Variants in PCDHGA2 observed in about 807,000 individuals in gnomAD.
The protein encoded by PCDHGA2 is protocadherin gamma-A2.
In PCDHGA2, 40 loss-of-function variants were observed where a neutral mutation model predicts 59.2. That is an observed-to-expected ratio of 0.68 (90% confidence interval 0.52 to 0.88). The LOEUF is 0.88. Ranked by LOEUF, PCDHGA2 falls within the 40% of genes least tolerant of loss-of-function variation. PCDHGA2 has a pLI of 0.00. For synonymous variants in PCDHGA2, 560 were observed against 526.0 expected (o/e 1.06, Z -0.89); for missense variants, 1,226 against 1,204.0 (o/e 1.02, Z -0.27).
intron 1 of PCDHGA2, chr5:141,362,471 ATCTCG>A: frequency 6.2e-7 from 1 of 1,614,018 alleles, no homozygotes; most frequent in Non-Finnish European, 8.5e-7. Context: ...CCCGCGCAAG[ATCTCG>A]TCTGTGACAA....
At chr5:141,363,584 T>C (rs1175154896) in intron 1 of PCDHGA2, among the ~76,000 whole-genome samples, 1 of 152,246 alleles carries the variant, frequency 6.6e-6, no homozygotes, top group Non-Finnish European at 1.5e-5. Context: ...AATGCATAGT[T>C]AACCCAACTC....
At chr5:141,453,377 T>TC (rs1242854086) in intron 1 of PCDHGA2, among the ~76,000 whole-genome samples, 3 of 152,072 alleles carry the variant, frequency 2.0e-5, no homozygotes, top group Admixed American at 2.0e-4. Context: ...CAAGTGATCC[T>TC]CCTGCCTTAG....
chr5:141,394,915 CCT>C, intron 1 of PCDHGA2: 1 of 1,613,774 alleles, frequency 6.2e-7, no homozygotes, highest in South Asian at 1.1e-5. Flanking sequence ...GCTGCCATCT[CCT>C]GTGTCTTCCT....
chr5:141,449,073 T>C (rs889880816), intron 1 of PCDHGA2, among the ~76,000 whole-genome samples: 1 of 152,246 alleles, frequency 6.6e-6, no homozygotes, highest in African/African-American at 2.4e-5. Flanking sequence ...TGAATAGCCC[T>C]GTACCTACAT....
rs34752215 is a variant in PCDHGA2 at position 141,427,657 on chromosome 5, A to C, written c.2425-67150A>C. The C allele has an allele frequency of 1.4e-3, 1,030 of 734,210 alleles. 5 individuals carry two copies. Among genetic ancestry groups the C allele is most frequent in the Middle Eastern group, 5.7e-3 (25 of 4,398 alleles). The allele number at this position is 734,210 out of a possible 1,614,324, so 45.5% of individuals were successfully genotyped here. On this transcript the variant is annotated intron_variant, in intron 1 of 3. Coordinates refer to ENST00000394576, the MANE Select transcript of PCDHGA2 (RefSeq NM_018915.4). The stretch of plus-strand genomic sequence containing the variant: ...TTCCACCAAGTCTCCTACGTGGTCC[A>C]CGTGGCCGAAAACAACCTTCCCGGA...
At chr5:141,390,882 G>A (rs892294372) in intron 1 of PCDHGA2, 2 of 152,824 alleles carry the variant, frequency 1.3e-5, no homozygotes, top group Non-Finnish European at 2.9e-5. Flanking sequence ...GTGTGTGTGT[G>A]TGTGTGAGAG....
At chr5:141,418,449 A>C in intron 1 of PCDHGA2, 1 of 1,614,040 alleles carries the variant, frequency 6.2e-7, no homozygotes, top group Non-Finnish European at 8.5e-7. Context: ...TTAGTATTGC[A>C]GAAGACTCTG....
At position 141,511,436 on chromosome 5, in the gene PCDHGA2, T is replaced by C. The variant is rs1371734719; in HGVS notation, c.*263T>C. The C allele has an allele frequency of 1.5e-5, 11 of 718,486 alleles. No individual in the cohort carries two copies. The highest frequency in any genetic ancestry group is 2.2e-5 in the Non-Finnish European group (10 of 461,474). The allele number at this position is 718,486 out of a possible 1,614,324, so 44.5% of individuals were successfully genotyped here. The stretch of plus-strand genomic sequence containing the variant: ...ACCCATGGGGGTAGTGGGGTTACTG[T>C]AGACACCAAGAACCATTTGCCACAC... On this transcript the variant is annotated 3_prime_UTR_variant, in exon 4 of 4. Coordinates refer to ENST00000394576, the MANE Select transcript of PCDHGA2 (RefSeq NM_018915.4).
chr5:141,376,525 T>C (rs1772783963), intron 1 of PCDHGA2: 1 of 1,613,730 alleles, frequency 6.2e-7, no homozygotes, highest in Non-Finnish European at 8.5e-7. Context: ...TCTTTCCGCC[T>C]AAGCGGGAAG....
Position 141,372,286 on chromosome 5 carries a change from C to T in PCDHGA2, c.2424+30891C>T, listed in dbSNP as rs62620706. 47 of 1,613,150 alleles carry T rather than the reference C, an allele frequency of 2.9e-5. No homozygotes were observed. The African/African-American group carries it at 5.9e-4, about 20-fold the overall frequency. ...ACGGGTGAGGTGCGCACGGCGCGTA[C>T]CTTGGGCGACAGGGAGGCCGCCCGC... On this transcript the variant is annotated intron_variant, in intron 1 of 3. Coordinates refer to ENST00000394576, the MANE Select transcript of PCDHGA2 (RefSeq NM_018915.4).
At chr5:141,413,980 A>C in intron 1 of PCDHGA2, 12 of 1,613,530 alleles carry the variant, frequency 7.4e-6, no homozygotes, top group Non-Finnish European at 1.0e-5. Flanking sequence ...GCTGACAGTC[A>C]CAGCCACCGA....
At chr5:141,468,755 A>G (rs918829539) in intron 1 of PCDHGA2, among the ~76,000 whole-genome samples, 3 of 151,976 alleles carry the variant, frequency 2.0e-5, no homozygotes, top group African/African-American at 7.2e-5. Flanking sequence ...AGTCCCAGCT[A>G]CTCGGGAGGC....
At position 141,431,738 on chromosome 5, in the gene PCDHGA2, TA is replaced by T; in HGVS notation, c.2425-63068del. ...AGTGCAAGCAATGGATAATGCAGGA[TA>T]TTCTGCGCGAGCCAAAGTCCTGATC... On this transcript the variant is annotated intron_variant, in intron 1 of 3. Coordinates refer to ENST00000394576, the MANE Select transcript of PCDHGA2 (RefSeq NM_018915.4). The surrounding 1 kb of genome is among the most constrained non-coding windows in gnomAD (Gnocchi z 4.8). The T allele has an allele frequency of 6.2e-7, 1 of 1,614,234 alleles. No individual in the cohort carries two copies. Among genetic ancestry groups the T allele is most frequent in the South Asian group, 1.1e-5 (1 of 91,092 alleles).
At chr5:141,422,959 C>A in intron 1 of PCDHGA2, 1 of 1,614,234 alleles carries the variant, frequency 6.2e-7, no homozygotes, top group South Asian at 1.1e-5. Context: ...TGGCGTGGAG[C>A]TGGCGCCCCG....
chr5:141,371,997 C>T (rs772765707), intron 1 of PCDHGA2: 3 of 1,613,232 alleles, frequency 1.9e-6, no homozygotes, highest in East Asian at 2.2e-5. Context: ...TCTGCAGGCC[C>T]GCGACCAGGG....
Position 141,340,414 on chromosome 5 carries a change from CA to C in PCDHGA2, c.1445del (p.Asn482ThrfsTer6). On this transcript the variant is annotated frameshift_variant, in exon 1 of 4. Transcript: ENST00000394576. LOFTEE classifies it high-confidence loss of function. ...FSVTAHDPDS[N>X]DNAHVTYSFA... ...CAGTGACGGCCCATGACCCCGACAG[CA>C]ACGACAATGCTCATGTAACTTACTC... The C allele has an allele frequency of 6.2e-7, 1 of 1,614,204 alleles. No individual in the cohort carries two copies. The highest frequency in any genetic ancestry group is 8.5e-7 in the Non-Finnish European group (1 of 1,180,048).
At chr5:141,357,422 T>C (rs1277142896) in intron 1 of PCDHGA2, 2 of 1,614,254 alleles carry the variant, frequency 1.2e-6, no homozygotes, top group East Asian at 2.2e-5. Context: ...TCGCACTTTG[T>C]GGGCGTGGAC....
intron 1 of PCDHGA2, chr5:141,391,032 T>C (rs908748282): frequency 2.0e-5 from 3 of 152,212 alleles, no homozygotes; most frequent in African/African-American, 7.2e-5. Context: ...AAGACAATGT[T>C]TTGTGTCTGT....
rs144018757 is a variant in PCDHGA2, at chr5:141,443,001, A to G, written c.2425-51806A>G. On this transcript the variant is annotated intron_variant, in intron 1 of 3. Transcript: ENST00000394576. ...GTTAGCCTATAATTTCAGTAAATCTAAGAATATGACTAATGGAAGTTGCCA... is the reference window on the plus strand; with the variant it reads ...GTTAGCCTATAATTTCAGTAAATCTGAGAATATGACTAATGGAAGTTGCCA... Among the ~76,000 whole-genome samples the G allele has an allele frequency of 1.3e-3, 194 of 152,312 alleles. 1 individual carries two copies. The East Asian group carries it at 0.032, about 25-fold the overall frequency.
Sources: gnomAD v4.1 joint callset for allele counts (sites outside exome capture counted in the v4.1 genomes callset) on GRCh38, gnomAD v4.1.1 for gene constraint, Gnocchi (gnomAD v3.1) non-coding constraint, MANE v1.5 for transcripts, NCBI Gene and HGNC (gene_info 2026-07-23, HGNC 2026-07-21) for gene names.